KCNIP4: variants seen among roughly 807,000 people sequenced by gnomAD.
The protein encoded by KCNIP4 is potassium voltage-gated channel interacting protein 4.
KCNIP4 carries 12 observed loss-of-function variants against 34.0 expected under a neutral mutation model. The observed-to-expected ratio is 0.35, with a 90% CI of 0.23 to 0.57. The LOEUF is 0.57. KCNIP4 is among the 20% of genes least tolerant of loss of function. KCNIP4 has a pLI of 0.83. For missense variants in KCNIP4, 238 were observed against 311.7 expected, an observed-to-expected ratio of 0.76 and a Z score of 1.78; for synonymous variants, 124 against 102.2, an observed-to-expected ratio of 1.21 and a Z score of -1.29.
chr4:20,864,301 T>C (rs576710080), intron 2 of KCNIP4, among the ~76,000 whole-genome samples: 10 of 151,664 alleles, frequency 6.6e-5, no homozygotes, highest in African/African-American at 2.2e-4. Flanking sequence ...TACACATATG[T>C]ATGCATATAT....
In KCNIP4 at chr4:20,966,377, T is replaced by A. The variant is rs562099522; in HGVS notation, c.62-83668A>T. On this transcript the variant is annotated intron_variant, in intron 1 of 8. Coordinates refer to ENST00000382152, the MANE Select transcript of KCNIP4 (RefSeq NM_025221.6). ...TGTTCAAATATCTGTCTGGGGAAAG[T>A]ACTTGATTCTAAATGTACTATCCTG... Among the ~76,000 whole-genome samples the A allele has an allele frequency of 6.6e-5, 10 of 152,334 alleles. No individual in the cohort carries two copies. The East Asian group carries it at 1.9e-3, about 29-fold the overall frequency.
intron 1 of KCNIP4, among the ~76,000 whole-genome samples, chr4:21,085,103 G>A (rs1023935253): frequency 2.6e-5 from 4 of 151,956 alleles, no homozygotes; most frequent in Admixed American, 2.0e-4. Context: ...TTAATATGCT[G>A]AAGCCTAAAC....
rs1343703254 is a variant in KCNIP4 at position 21,635,896 on chromosome 4, C to T, written c.61+312675G>A. On this transcript the variant is annotated intron_variant, in intron 1 of 8. Transcript: ENST00000382152. ...AAAGACTTGGAACCAACCCAAATGT[C>T]CAACAATGATAGACTGGATTAAGAA... is the stretch of plus-strand genomic sequence containing the variant. Among the ~76,000 whole-genome samples the T allele has an allele frequency of 3.2e-4, 49 of 151,684 alleles. No individual in the cohort carries two copies. The East Asian group carries it at 6.6e-3, about 20-fold the overall frequency.
chr4:21,623,749 T>TTACTACTTTCTGCCACC (rs1459814661), intron 1 of KCNIP4, among the ~76,000 whole-genome samples: 1 of 151,946 alleles, frequency 6.6e-6, no homozygotes, highest in Non-Finnish European at 1.5e-5. Context: ...GTTCTGGCAC[T>TTACTACTTTCTGCCACC]TACTACTTTC....
At chr4:21,125,748 C>T (rs1750562095) in intron 1 of KCNIP4, among the ~76,000 whole-genome samples, 1 of 152,048 alleles carries the variant, frequency 6.6e-6, no homozygotes, top group African/African-American at 2.4e-5. Flanking sequence ...TACCAGGCCT[C>T]CAACATAATA....
At chr4:21,925,066 T>C (rs1285508984) in intron 1 of KCNIP4, among the ~76,000 whole-genome samples, 2 of 152,132 alleles carry the variant, frequency 1.3e-5, no homozygotes, top group African/African-American at 4.8e-5. Flanking sequence ...AAGATGTCAT[T>C]TCATTTTTTT....
intron 1 of KCNIP4, among the ~76,000 whole-genome samples, chr4:21,554,857 C>T (rs1279504757): frequency 6.6e-6 from 1 of 152,104 alleles, no homozygotes; most frequent in East Asian, 1.9e-4. Context: ...CTTCATATTA[C>T]CAGAAACTAG....
chr4:21,508,859 A>G (rs1387571916), intron 1 of KCNIP4, among the ~76,000 whole-genome samples: 7 of 151,358 alleles, frequency 4.6e-5, no homozygotes, highest in Admixed American at 3.3e-4. Flanking sequence ...CAAACTTGGT[A>G]TATAAAAACA....
At chr4:21,908,716 C>G (rs1728134891) in intron 1 of KCNIP4, among the ~76,000 whole-genome samples, 1 of 152,164 alleles carries the variant, frequency 6.6e-6, no homozygotes, top group South Asian at 2.1e-4. Flanking sequence ...GATTTTAGAG[C>G]TTATTCTCAA....
intron 1 of KCNIP4, among the ~76,000 whole-genome samples, chr4:21,917,356 C>G (rs771072283): frequency 3.3e-5 from 5 of 152,092 alleles, no homozygotes; most frequent in Non-Finnish European, 5.9e-5. Context: ...AGACTGGTCT[C>G]AAACTCCTGA....
chr4:21,087,530 C>T (rs1017977277), intron 1 of KCNIP4, among the ~76,000 whole-genome samples: 16 of 152,088 alleles, frequency 1.1e-4, no homozygotes, highest in African/African-American at 3.9e-4. Flanking sequence ...TCAGGTGACC[C>T]ACCTGCCTCG....
At chr4:21,192,276 T>C (rs1755709756) in intron 1 of KCNIP4, among the ~76,000 whole-genome samples, 1 of 152,176 alleles carries the variant, frequency 6.6e-6, no homozygotes, top group Non-Finnish European at 1.5e-5. Flanking sequence ...CTCAATTCTT[T>C]TACACTCTTG....
intron 1 of KCNIP4, among the ~76,000 whole-genome samples, chr4:21,289,156 A>C (rs2109197191): frequency 6.6e-6 from 1 of 152,280 alleles, no homozygotes; most frequent in East Asian, 1.9e-4. Context: ...TGTTTTTATT[A>C]ATTTTTAATT....
At chr4:21,303,785 T>G (rs1464714960) in intron 1 of KCNIP4, 1 of 1,580,546 alleles carries the variant, frequency 6.3e-7, no homozygotes, top group Non-Finnish European at 8.7e-7. Context: ...TTTTTAGAAG[T>G]CACTAAAAAG....
intron 1 of KCNIP4, among the ~76,000 whole-genome samples, chr4:20,937,394 C>T (rs1445563356): frequency 6.6e-6 from 1 of 151,568 alleles, no homozygotes; most frequent in African/African-American, 2.4e-5. Flanking sequence ...GTCACCATGC[C>T]CGGCTAGTTT....
At chr4:21,039,794 C>T (rs150820912) in intron 1 of KCNIP4, among the ~76,000 whole-genome samples, 121 of 152,260 alleles carry the variant, frequency 7.9e-4, no homozygotes, top group African/African-American at 2.7e-3. Context: ...AATAAATGCT[C>T]ATTTAATTAA....
chr4:21,643,947 A>G (rs1302706459), intron 1 of KCNIP4, among the ~76,000 whole-genome samples: 2 of 152,020 alleles, frequency 1.3e-5, no homozygotes, highest in African/African-American at 4.8e-5. Context: ...TAGATATCCT[A>G]CTGGTTGTGG....
At chr4:20,810,658 A>T (rs1344911684) in intron 3 of KCNIP4, among the ~76,000 whole-genome samples, 1 of 152,204 alleles carries the variant, frequency 6.6e-6, no homozygotes, top group Non-Finnish European at 1.5e-5. Context: ...TTCCATATAC[A>T]TGGTCACCAA....
At chr4:21,442,311 A>G (rs1727554489) in intron 1 of KCNIP4, among the ~76,000 whole-genome samples, 1 of 152,202 alleles carries the variant, frequency 6.6e-6, no homozygotes, top group Admixed American at 6.5e-5. Flanking sequence ...CATCAGTGCC[A>G]AAAGCCCTGA....
Sources: gnomAD v4.1 joint callset for allele counts (sites outside exome capture counted in the v4.1 genomes callset) on GRCh38, gnomAD v4.1.1 for gene constraint, MANE v1.5 for transcripts, NCBI Gene and HGNC (gene_info 2026-07-23, HGNC 2026-07-21) for gene names.